The following ARHGEF12 variants were observed in gnomAD, a reference collection of about 807,000 sequenced individuals.
The protein encoded by ARHGEF12 is KMT2A/ARHGEF12 fusion protein.
A neutral mutation model predicts 211.2 loss-of-function variants in ARHGEF12; 66 were observed. The observed-to-expected ratio is 0.31, with a 90% CI of 0.26 to 0.38. ARHGEF12 has a LOEUF of 0.38. Among genes scored for constraint, ARHGEF12 ranks in the 10% least tolerant of loss-of-function variants. The probability of loss-of-function intolerance (pLI) is 1.00; values close to 1 mark genes in which losing one functional copy is unlikely to be tolerated. For missense variants in ARHGEF12, 1,429 were observed against 1,869.5 expected (o/e 0.76, Z 4.34); for synonymous variants, 592 against 638.4 (o/e 0.93, Z 1.09).
chr11:120,355,264 C>T (rs1184210389), intron 1 of ARHGEF12, among the ~76,000 whole-genome samples: 1 of 152,206 alleles, frequency 6.6e-6, no homozygotes, highest in African/African-American at 2.4e-5. Context: ...AGTCTTGTCA[C>T]ACCCAATAAA....
intron 22 of ARHGEF12, among the ~76,000 whole-genome samples, chr11:120,453,169 A>G (rs1239081034): frequency 6.6e-6 from 1 of 152,192 alleles, no homozygotes; most frequent in Non-Finnish European, 1.5e-5. Flanking sequence ...TGCTGGGAAT[A>G]GGCAGGTTTC....
At chr11:120,476,932 T>C (rs1180112755) in intron 34 of ARHGEF12, 184 bp downstream of exon 34, 7 of 598,246 alleles carry the variant, frequency 1.2e-5, no homozygotes, top group Non-Finnish European at 2.0e-5. Flanking sequence ...TTGATTCTAT[T>C]CTGAAAGTTT....
intron 40 of ARHGEF12, 54 bp from the exon 41 acceptor site, chr11:120,485,013 T>A (rs1947363015): frequency 1.1e-5 from 17 of 1,566,752 alleles, no homozygotes; most frequent in Middle Eastern, 3.4e-4. Flanking sequence ...TTCTTTGCAA[T>A]GTTAGTATAT....
At chr11:120,458,432 G>A in intron 25 of ARHGEF12, 198 bp downstream of exon 25, 1 of 548,970 alleles carries the variant, frequency 1.8e-6, no homozygotes, top group Admixed American at 3.8e-5. Flanking sequence ...TAATTTAAAA[G>A]GAAAATGTGT....
At chr11:120,451,340 A>T in intron 21 of ARHGEF12, 172 bp from the exon 22 acceptor site, 1 of 544,968 alleles carries the variant, frequency 1.8e-6, no homozygotes, top group Non-Finnish European at 3.2e-6. Flanking sequence ...CACCACGCCC[A>T]GCTAATTTTT....
At chr11:120,437,781 A>G (rs1221304350) in intron 12 of ARHGEF12, among the ~76,000 whole-genome samples, 1 of 152,078 alleles carries the variant, frequency 6.6e-6, no homozygotes, top group African/African-American at 2.4e-5. Flanking sequence ...TTCTGTCTCT[A>G]TGAATTTGAC....
chr11:120,339,228 C>T (rs1942456602), intron 1 of ARHGEF12, among the ~76,000 whole-genome samples: 2 of 150,706 alleles, frequency 1.3e-5, no homozygotes. Context: ...TTACTAGGGT[C>T]TTTTTTTATT....
intron 1 of ARHGEF12, among the ~76,000 whole-genome samples, chr11:120,341,768 A>G (rs1001680852): frequency 9.9e-5 from 15 of 152,164 alleles, no homozygotes; most frequent in African/African-American, 3.4e-4. Flanking sequence ...TTTTCTGTTA[A>G]AACTTGGTTT....
At chr11:120,477,424 T>G (rs544333661) in intron 35 of ARHGEF12, 23 bp from the exon 36 acceptor site, 14 of 1,526,946 alleles carry the variant, frequency 9.2e-6, no homozygotes, top group Middle Eastern at 1.8e-4. Flanking sequence ...TAAAAGTTTT[T>G]TTTTTTTTTT....
chr11:120,377,548 G>C (rs180901425), intron 1 of ARHGEF12, among the ~76,000 whole-genome samples: 85 of 152,178 alleles, frequency 5.6e-4, no homozygotes, highest in Admixed American at 1.5e-3. Context: ...TTTCTGTGTT[G>C]CCCAGGCTGG....
chr11:120,371,559 A>G (rs1450262568), intron 1 of ARHGEF12, among the ~76,000 whole-genome samples: 1 of 152,220 alleles, frequency 6.6e-6, no homozygotes, highest in East Asian at 1.9e-4. Flanking sequence ...CTTAAAGATT[A>G]TAACCCTTAT....
intron 1 of ARHGEF12, among the ~76,000 whole-genome samples, chr11:120,357,026 GT>G (rs151284948): frequency 6.7e-5 from 10 of 148,784 alleles, no homozygotes; most frequent in African/African-American, 2.5e-4. Context: ...TTTTTTTTTT[GT>G]TTTGTTTTGT....
chr11:120,464,535 T>C (rs1198379524), intron 27 of ARHGEF12: 1 of 151,768 alleles, frequency 6.6e-6, no homozygotes, highest in African/African-American at 2.4e-5. Context: ...TGAGCTGAGA[T>C]TGCACCACTA....
chr11:120,436,153 T>C (rs1945687386), intron 11 of ARHGEF12, among the ~76,000 whole-genome samples: 1 of 152,204 alleles, frequency 6.6e-6, no homozygotes, highest in Admixed American at 6.5e-5. Flanking sequence ...GAGTTACTCT[T>C]TTCTTTTGTT....
At chr11:120,436,112 T>A (rs1945686547) in intron 11 of ARHGEF12, among the ~76,000 whole-genome samples, 1 of 152,156 alleles carries the variant, frequency 6.6e-6, no homozygotes, top group Non-Finnish European at 1.5e-5. Context: ...GGTATATGTG[T>A]GTAATATTTT....
rs183481546 is a variant in ARHGEF12 at position 120,457,926 on chromosome 11, A to T, written c.2226-154A>T. On this transcript the variant is annotated intron_variant, in intron 24 of 40. Transcript: ENST00000397843. The stretch of plus-strand genomic sequence containing the variant: ...TCATTCAAAAGCTGTATTTTGAAGT[A>T]TGTATAAAACAGCCATTTGTAGGAG... The T allele has an allele frequency of 6.7e-4, 763 of 1,142,524 alleles. 2 individuals carry two copies. In the African/African-American group the frequency reaches 0.011, roughly 16 times the overall value. The allele number at this position is 1,142,524 out of a possible 1,614,324, so 70.8% of individuals were successfully genotyped here. A position where few individuals can be genotyped will look rare whatever the true frequency, so the allele number is the denominator to read the frequency against.
At chr11:120,446,198 A>AAATAAT (rs59459827) in intron 16 of ARHGEF12, among the ~76,000 whole-genome samples, 2,868 of 140,330 alleles carry the variant, frequency 0.02, 100 homozygotes, top group African/African-American at 0.067. Flanking sequence ...ACTCCATCTC[A>AAATAAT]AATAATAATA....
rs1182453987 is a variant in ARHGEF12 at position 120,488,493 on chromosome 11, A to G, written c.*3416A>G. 1.4e-5 allele frequency: 3 copies of G among 217,314 alleles called. No homozygotes were observed. Among genetic ancestry groups the G allele is most frequent in the East Asian group, 6.8e-5 (1 of 14,620 alleles). 13.5% of individuals were successfully genotyped at this position (217,314 alleles called of 1,614,324 possible). A position where few individuals can be genotyped will look rare whatever the true frequency, so the allele number is the denominator to read the frequency against. ...TCCACCACTTTTCAGAGTCATCTAC[A>G]AAATTTTTCTTTCCTCAAGAAAAGA... On this transcript the variant is annotated 3_prime_UTR_variant, in exon 41 of 41. Coordinates refer to ENST00000397843, the MANE Select transcript of ARHGEF12 (RefSeq NM_015313.3).
At chr11:120,408,041 A>C (rs911448679) in intron 3 of ARHGEF12, 1 of 416,602 alleles carries the variant, frequency 2.4e-6, no homozygotes, top group Non-Finnish European at 4.2e-6. Context: ...ATCATTGTAG[A>C]GTATATTGTA....
Sources: gnomAD v4.1 joint callset for allele counts (sites outside exome capture counted in the v4.1 genomes callset) on GRCh38, gnomAD v4.1.1 for gene constraint, MANE v1.5 for transcripts, NCBI Gene and HGNC (gene_info 2026-07-23, HGNC 2026-07-21) for gene names.